The following SAMMSON variants were observed in gnomAD, a reference collection of about 807,000 sequenced individuals.
SAMMSON encodes long intergenic non-protein coding RNA 1212.
At chr3:70,168,510 G>C (rs1247527956) in intron 4 of SAMMSON, among the ~76,000 whole-genome samples, 1 of 151,992 alleles carries the variant, frequency 6.6e-6, no homozygotes, top group Non-Finnish European at 1.5e-5. Context: ...TGGATGCAAA[G>C]CCAGTCAACG....
At chr3:70,112,059 A>C (rs1312557703) in intron 4 of SAMMSON, among the ~76,000 whole-genome samples, 1 of 152,196 alleles carries the variant, frequency 6.6e-6, no homozygotes, top group African/African-American at 2.4e-5. Context: ...CTATTAATGA[A>C]AGATACGAAT....
chr3:70,334,071 T>A (rs1424697363), intron 7 of SAMMSON, among the ~76,000 whole-genome samples: 1 of 152,222 alleles, frequency 6.6e-6, no homozygotes, highest in Admixed American at 6.5e-5. Context: ...GTTAAGCAGA[T>A]TGACAGATTA....
At chr3:70,163,687 T>G (rs1047276069) in intron 4 of SAMMSON, among the ~76,000 whole-genome samples, 16 of 151,964 alleles carry the variant, frequency 1.1e-4, no homozygotes, top group Non-Finnish European at 1.9e-4. Flanking sequence ...GGCAGTGGCA[T>G]GAACACTGTG....
intron 2 of SAMMSON, among the ~76,000 whole-genome samples, chr3:70,419,405 C>T (rs1333974283): frequency 6.6e-6 from 1 of 152,090 alleles, no homozygotes; most frequent in African/African-American, 2.4e-5. Context: ...GGGAAGAGGT[C>T]TCACTTAAGA....
At position 70,207,487 on chromosome 3, in the gene SAMMSON, G is replaced by T. The variant is rs149845280; in HGVS notation, n.508-41620G>T. 5.3e-5 allele frequency among the ~76,000 whole-genome samples: 8 copies of T among 152,066 alleles called. 1 individual carries two copies. Among genetic ancestry groups the T allele is most frequent in the African/African-American group, 1.9e-4 (8 of 41,508 alleles). Reference sequence around the variant, plus strand: ...AGCGAAGTTCTTGACTGAAATTCTGGTTTGGAGAGCCATAGAGAAGGCTGA... The same window carrying T: ...AGCGAAGTTCTTGACTGAAATTCTGTTTTGGAGAGCCATAGAGAAGGCTGA... On this transcript the variant is annotated intron_variant and non_coding_transcript_variant, in intron 4 of 9. Transcript: ENST00000642114.
chr3:70,242,788 A>C (rs1270056178), intron 4 of SAMMSON, among the ~76,000 whole-genome samples: 1 of 152,164 alleles, frequency 6.6e-6, no homozygotes, highest in Non-Finnish European at 1.5e-5. Context: ...AGAGCTTGGA[A>C]AGTTTACACA....
intron 4 of SAMMSON, among the ~76,000 whole-genome samples, chr3:70,149,955 T>C (rs2067564561): frequency 6.6e-6 from 1 of 152,074 alleles, no homozygotes; most frequent in South Asian, 2.1e-4. Context: ...AGGCATACTC[T>C]CTAAATTACG....
intron 4 of SAMMSON, among the ~76,000 whole-genome samples, chr3:70,165,615 C>T (rs952683467): frequency 2.6e-5 from 4 of 151,902 alleles, no homozygotes; most frequent in Non-Finnish European, 5.9e-5. Flanking sequence ...CTCCCAATGA[C>T]CTAAGACATA....
intron 4 of SAMMSON, chr3:70,204,649 TTTTC>T (rs1576154149): frequency 1.4e-5 from 2 of 147,784 alleles, no homozygotes; most frequent in African/African-American, 2.5e-5. Context: ...TAGTCAGCTA[TTTTC>T]TTTCTTTTTT....
intron 2 of SAMMSON, among the ~76,000 whole-genome samples, chr3:70,403,879 A>G (rs1701159832): frequency 6.6e-6 from 1 of 152,174 alleles, no homozygotes; most frequent in Non-Finnish European, 1.5e-5. Context: ...TTTGATAAAA[A>G]ATCCTTCTTG....
At chr3:70,056,708 C>T (rs998889878) in intron 3 of SAMMSON, among the ~76,000 whole-genome samples, 2 of 151,936 alleles carry the variant, frequency 1.3e-5, no homozygotes, top group African/African-American at 4.8e-5. Context: ...CTTCTTATTA[C>T]ATGTTAAAAT....
At chr3:70,187,435 T>TTC (rs1701099300) in intron 4 of SAMMSON, among the ~76,000 whole-genome samples, 1 of 134,096 alleles carries the variant, frequency 7.5e-6, no homozygotes, top group Non-Finnish European at 1.6e-5. Context: ...CTCTTTTTTT[T>TTC]TTTTTTTTTT....
chr3:70,234,273 G>A (rs1701588106), intron 4 of SAMMSON, among the ~76,000 whole-genome samples: 1 of 152,126 alleles, frequency 6.6e-6, no homozygotes, highest in Non-Finnish European at 1.5e-5. Context: ...AAGCTATTTA[G>A]TCAACTCATG....
At chr3:70,227,871 A>G (rs572076946) in intron 4 of SAMMSON, among the ~76,000 whole-genome samples, 120 of 152,304 alleles carry the variant, frequency 7.9e-4, no homozygotes, top group Non-Finnish European at 5.6e-4. Flanking sequence ...ATTTGAATAC[A>G]GGAAGTCTGG....
chr3:70,349,216 A>G (rs908121753), intron 7 of SAMMSON, among the ~76,000 whole-genome samples: 8 of 152,062 alleles, frequency 5.3e-5, no homozygotes, highest in African/African-American at 1.9e-4. Context: ...TCTACTAAAA[A>G]TACAAAAATT....
intron 4 of SAMMSON, among the ~76,000 whole-genome samples, chr3:70,191,710 G>A (rs1196883956): frequency 3.3e-5 from 5 of 151,972 alleles, no homozygotes; most frequent in South Asian, 4.1e-4. Context: ...TGCTTTAAAA[G>A]TAACTACTTG....
intron 4 of SAMMSON, among the ~76,000 whole-genome samples, chr3:70,187,562 C>A (rs1008376872): frequency 1.3e-5 from 2 of 151,064 alleles, no homozygotes; most frequent in Non-Finnish European, 2.9e-5. Context: ...CTCAGCCTCC[C>A]GTGTAGCTGG....
rs954074243 is a variant in SAMMSON, at chr3:70,149,829, T to C, written n.507+78264T>C. Among the ~76,000 whole-genome samples the C allele has an allele frequency of 3.9e-5, 6 of 152,174 alleles. 1 individual carries two copies. In the South Asian group the frequency reaches 1.2e-3, roughly 32 times the overall value. On this transcript the variant is annotated intron_variant and non_coding_transcript_variant, in intron 4 of 9. Transcript: ENST00000642114. ...ATCATAGGTCTGTCCATTTCCTACT[T>C]ACAAGTTATCTTGGTTTGTGGCCCC...
At chr3:70,357,397 A>T (rs1702837217) in intron 8 of SAMMSON, among the ~76,000 whole-genome samples, 2 of 152,178 alleles carry the variant, frequency 1.3e-5, no homozygotes, top group Admixed American at 6.6e-5. Context: ...TAGTGCTTTT[A>T]TCATTTATAT....
Sources: allele counts gnomAD v4.1 joint callset (sites outside exome capture counted in the v4.1 genomes callset), GRCh38; gene constraint gnomAD v4.1.1; transcripts MANE v1.5; gene names NCBI Gene and HGNC (gene_info 2026-07-23, HGNC 2026-07-21).